YARS1: variants seen among roughly 807,000 people sequenced by gnomAD.
YARS1 encodes the protein tyrosyl-tRNA synthetase 1, also known as tyrosine--tRNA ligase, cytoplasmic.
YARS1 carries 36 observed loss-of-function variants against 62.2 expected under a neutral mutation model. The ratio of observed to expected loss-of-function variants is 0.58; its 90% CI spans 0.44 to 0.76. The LOEUF (loss-of-function observed/expected upper bound fraction) is 0.76, where lower values mean the gene tolerates loss of function less well. YARS1 is among the 30% of genes least tolerant of loss of function. The probability of loss-of-function intolerance (pLI) is 0.00; values close to 1 mark genes in which losing one functional copy is unlikely to be tolerated. For synonymous variants in YARS1, 234 were observed against 244.9 expected, an observed-to-expected ratio of 0.96 and a Z score of 0.42; for missense variants, 524 against 639.8, an observed-to-expected ratio of 0.82 and a Z score of 1.95.
chr1:32,796,857 C>T (rs1446021989), intron 5 of YARS1, among the ~76,000 whole-genome samples: 7 of 143,398 alleles, frequency 4.9e-5, no homozygotes, highest in African/African-American at 1.8e-4. Flanking sequence ...CCCAGCTACT[C>T]GGCAGGCTGA....
chr1:32,798,719 G>A (rs1653682807), intron 4 of YARS1, among the ~76,000 whole-genome samples: 1 of 152,214 alleles, frequency 6.6e-6, no homozygotes, highest in African/African-American at 2.4e-5. Flanking sequence ...CTACTCAGGA[G>A]GCTGAGGTAG....
chr1:32,798,037 A>C, intron 4 of YARS1, 194 bp from the exon 5 acceptor site: 1 of 539,876 alleles, frequency 1.9e-6, no homozygotes, highest in South Asian at 2.0e-5. Flanking sequence ...CGCCCGGCTA[A>C]TTTTTTGTAT....
chr1:32,785,075 A>G (rs1399667742), intron 8 of YARS1, among the ~76,000 whole-genome samples: 1 of 152,226 alleles, frequency 6.6e-6, no homozygotes, highest in African/African-American at 2.4e-5. Context: ...AAGCACCAGT[A>G]TATTAGCATT....
intron 8 of YARS1, among the ~76,000 whole-genome samples, chr1:32,785,693 C>T (rs1653202575): frequency 6.6e-6 from 1 of 151,758 alleles, no homozygotes; most frequent in African/African-American, 2.4e-5. Context: ...AGCGAATCCC[C>T]TGCCTCAGCC....
At chr1:32,799,554 T>C (rs1226221714) in intron 4 of YARS1, among the ~76,000 whole-genome samples, 2 of 152,178 alleles carry the variant, frequency 1.3e-5, no homozygotes, top group Non-Finnish European at 2.9e-5. Context: ...TAAGATTTAG[T>C]GCATAATTGG....
chr1:32,782,282 G>T, intron 9 of YARS1, 122 bp downstream of exon 9: 1 of 1,528,786 alleles, frequency 6.5e-7, no homozygotes. Context: ...AGTAGGACAT[G>T]ACATTCCTGC....
At chr1:32,797,704 A>C in intron 5 of YARS1, 59 bp downstream of exon 5, 1 of 1,442,912 alleles carries the variant, frequency 6.9e-7, no homozygotes, top group South Asian at 1.1e-5. Context: ...ATAGTTCAAT[A>C]AACACAGCTG....
At chr1:32,789,079 G>A (rs556768473) in intron 6 of YARS1, among the ~76,000 whole-genome samples, 1 of 152,288 alleles carries the variant, frequency 6.6e-6, no homozygotes, top group East Asian at 1.9e-4. Flanking sequence ...GCCCACCTTG[G>A]CTTCCCAAAG....
chr1:32,788,813 T>G (rs1653322165), intron 6 of YARS1, among the ~76,000 whole-genome samples: 1 of 152,170 alleles, frequency 6.6e-6, no homozygotes. Flanking sequence ...GCAATCCTCC[T>G]GCCTCAGCTT....
chr1:32,799,729 T>C (rs1653715069), intron 4 of YARS1, among the ~76,000 whole-genome samples: 1 of 152,132 alleles, frequency 6.6e-6, no homozygotes, highest in Non-Finnish European at 1.5e-5. Context: ...AACAAAAATT[T>C]CCATTTTATT....
chr1:32,808,726 C>T (rs895680497), intron 3 of YARS1, among the ~76,000 whole-genome samples: 1 of 152,182 alleles, frequency 6.6e-6, no homozygotes, highest in Admixed American at 6.5e-5. Context: ...CAGGTTTCTG[C>T]CTAATGTCAT....
At chr1:32,782,264 T>C in intron 9 of YARS1, 140 bp downstream of exon 9, 1 of 1,414,954 alleles carries the variant, frequency 7.1e-7, no homozygotes, top group Non-Finnish European at 9.9e-7. Flanking sequence ...AGTTCCATTC[T>C]AGGAGCCAGT....
At chr1:32,805,017 G>A (rs980936413) in intron 4 of YARS1, among the ~76,000 whole-genome samples, 2 of 152,118 alleles carry the variant, frequency 1.3e-5, no homozygotes, top group East Asian at 1.9e-4. Context: ...GATCACTCGC[G>A]GTCAGGAGCT....
intron 4 of YARS1, among the ~76,000 whole-genome samples, chr1:32,803,104 T>C (rs1638344781): frequency 6.7e-6 from 1 of 149,918 alleles, no homozygotes; most frequent in Non-Finnish European, 1.5e-5. Context: ...TGCCTCAGCC[T>C]CCTGAGTAGC....
At position 32,775,900 on chromosome 1, in the gene YARS1, G is replaced by A. The variant is rs1022517973; in HGVS notation, c.*81C>T. 2.3e-6 allele frequency: 3 copies of A among 1,300,860 alleles called. No individual in the cohort carries two copies. The highest frequency in any genetic ancestry group is 3.3e-6 in the Non-Finnish European group (3 of 900,604). The allele number at this position is 1,300,860 out of a possible 1,614,324, so 80.6% of individuals were successfully genotyped here. A position where few individuals can be genotyped will look rare whatever the true frequency, so the allele number is the denominator to read the frequency against. On this transcript the variant is annotated 3_prime_UTR_variant, in exon 13 of 13. Coordinates refer to ENST00000373477, the MANE Select transcript of YARS1 (RefSeq NM_003680.4). ...GCTGCTTCCGTGTCCTGAGAGATGGGTAAATGGGTGATGGATGGAGCAGAC... is the reference window on the plus strand; with the variant it reads ...GCTGCTTCCGTGTCCTGAGAGATGGATAAATGGGTGATGGATGGAGCAGAC...
chr1:32,803,994 C>T (rs567383561), intron 4 of YARS1, among the ~76,000 whole-genome samples: 138 of 152,186 alleles, frequency 9.1e-4, no homozygotes, highest in African/African-American at 3.3e-3. Flanking sequence ...CATCTTGCAC[C>T]GCCCTTTATC....
Position 32,804,234 on chromosome 1 carries a change from G to A in YARS1, c.510+2248C>T, listed in dbSNP as rs191314317. Among the ~76,000 whole-genome samples the A allele has an allele frequency of 7.7e-3, 1,169 of 152,310 alleles. 14 individuals carry two copies. Among genetic ancestry groups the A allele is most frequent in the African/African-American group, 0.026 (1,085 of 41,550 alleles). On this transcript the variant is annotated intron_variant, in intron 4 of 12. Coordinates refer to ENST00000373477, the MANE Select transcript of YARS1 (RefSeq NM_003680.4). Reference sequence around the variant, plus strand: ...AAAACCGCCATCGTCATCATGGCCCGTTCTCAACGAGCTGTTGGGTACTCC... The same window carrying A: ...AAAACCGCCATCGTCATCATGGCCCATTCTCAACGAGCTGTTGGGTACTCC...
At chr1:32,778,651 C>A (rs1652950317) in intron 12 of YARS1, among the ~76,000 whole-genome samples, 1 of 151,774 alleles carries the variant, frequency 6.6e-6, no homozygotes, top group Non-Finnish European at 1.5e-5. Context: ...TCATGATCCT[C>A]CCGTCTTGGC....
chr1:32,781,607 G>A (rs1398360136), intron 9 of YARS1: 1 of 178,390 alleles, frequency 5.6e-6, no homozygotes, highest in Admixed American at 5.6e-5. Flanking sequence ...TTTCTGGAAG[G>A]GTCGCACAAA....
Sources: gnomAD v4.1 joint callset for allele counts (sites outside exome capture counted in the v4.1 genomes callset) on GRCh38, gnomAD v4.1.1 for gene constraint, MANE v1.5 for transcripts, NCBI Gene and HGNC (gene_info 2026-07-23, HGNC 2026-07-21) for gene names.